Variants in UPP2 observed in about 807,000 individuals in gnomAD.
UPP2 encodes UPase 2.
In UPP2, 23 loss-of-function variants were observed where a neutral mutation model predicts 26.7. The observed-to-expected ratio is 0.86, with a 90% CI of 0.62 to 1.22. UPP2 has a LOEUF of 1.22. Among genes scored for constraint, UPP2 ranks in the 50% most tolerant of loss-of-function variants. UPP2 has a pLI of 0.00. For missense variants in UPP2, 387 were observed against 396.7 expected (o/e 0.98, Z 0.21); for synonymous variants, 127 against 141.3 (o/e 0.90, Z 0.72).
intron 3 of UPP2, among the ~76,000 whole-genome samples, chr2:158,094,110 T>C (rs16842547): frequency 0.2 from 29,828 of 151,650 alleles, 3,185 homozygotes; most frequent in African/African-American, 0.29. Context: ...TACTTATAAG[T>C]ACGAGTTTTA....
intron 3 of UPP2, among the ~76,000 whole-genome samples, chr2:158,068,223 G>A (rs1049040827): frequency 3.9e-5 from 6 of 152,116 alleles, no homozygotes; most frequent in Admixed American, 3.3e-4. Context: ...GAGAATAGGA[G>A]AATCAATTAA....
chr2:158,093,864 C>T (rs1490939509), intron 3 of UPP2, among the ~76,000 whole-genome samples: 1 of 151,316 alleles, frequency 6.6e-6, no homozygotes, highest in Non-Finnish European at 1.5e-5. Context: ...TAGAGAAACT[C>T]TTATGTGCAT....
chr2:158,038,053 G>T (rs1374222190), intron 3 of UPP2, among the ~76,000 whole-genome samples: 1 of 152,160 alleles, frequency 6.6e-6, no homozygotes, highest in African/African-American at 2.4e-5. Context: ...TCCCATTTCT[G>T]CTCTGATTAG....
rs185736840 is a variant in UPP2, at chr2:158,132,179, G to A, written c.812-2569G>A. ...GCCAAGTTGCTTTACAACTGACTGA[G>A]TTTTGAATAAATAGGGTCCTAGGTG... On this transcript the variant is annotated intron_variant, in intron 6 of 6. Transcript: ENST00000005756. Among the ~76,000 whole-genome samples, 13 of 152,334 alleles carry A rather than the reference G, an allele frequency of 8.5e-5. No homozygotes were observed. In the East Asian group the frequency reaches 1.7e-3, roughly 20 times the overall value.
chr2:158,028,406 C>G (rs1683869318), intron 3 of UPP2, among the ~76,000 whole-genome samples: 1 of 152,178 alleles, frequency 6.6e-6, no homozygotes, highest in Admixed American at 6.5e-5. Context: ...CACCTTTGCT[C>G]CAGTTCCCAA....
chr2:158,016,161 T>C (rs1683655602), intron 3 of UPP2, among the ~76,000 whole-genome samples: 1 of 151,872 alleles, frequency 6.6e-6, no homozygotes, highest in Non-Finnish European at 1.5e-5. Context: ...TTTTTTAAAT[T>C]ACTTTTTCTT....
intron 3 of UPP2, among the ~76,000 whole-genome samples, chr2:158,046,533 C>A (rs554351821): frequency 6.6e-6 from 1 of 152,132 alleles, no homozygotes; most frequent in Non-Finnish European, 1.5e-5. Flanking sequence ...GAGCTACACA[C>A]AAAAGAACTT....
At chr2:158,038,159 C>A (rs1684031727) in intron 3 of UPP2, among the ~76,000 whole-genome samples, 1 of 152,212 alleles carries the variant, frequency 6.6e-6, no homozygotes, top group South Asian at 2.1e-4. Context: ...AGAATCTCAG[C>A]ACACATAATT....
intron 3 of UPP2, among the ~76,000 whole-genome samples, chr2:158,092,345 A>G (rs536148605): frequency 6.6e-6 from 1 of 152,352 alleles, no homozygotes; most frequent in African/African-American, 2.4e-5. Flanking sequence ...TCTAGATGCA[A>G]CCAGAAAGAA....
intron 3 of UPP2, among the ~76,000 whole-genome samples, chr2:158,051,535 C>G (rs1682158817): frequency 6.6e-6 from 1 of 152,156 alleles, no homozygotes; most frequent in Non-Finnish European, 1.5e-5. Flanking sequence ...GTAATCCCAG[C>G]ACTTCGAGAG....
At chr2:158,009,844 G>A (rs994752113) in intron 2 of UPP2, among the ~76,000 whole-genome samples, 3 of 152,190 alleles carry the variant, frequency 2.0e-5, no homozygotes, top group African/African-American at 7.2e-5. Flanking sequence ...GTAGTCTCTC[G>A]TAAGGCAAAG....
intron 3 of UPP2, among the ~76,000 whole-genome samples, chr2:158,074,446 A>G (rs928714406): frequency 1.3e-4 from 20 of 152,138 alleles, no homozygotes; most frequent in Admixed American, 1.3e-3. Context: ...TAAAGTGTAG[A>G]GTTTTTATTA....
intron 3 of UPP2, among the ~76,000 whole-genome samples, chr2:158,069,220 C>T (rs928839331): frequency 9.2e-5 from 14 of 152,076 alleles, no homozygotes; most frequent in African/African-American, 3.4e-4. Flanking sequence ...TTTTGATGTC[C>T]ACCTGTGCAA....
At chr2:158,109,870 A>C (rs1025932109) in intron 2 of UPP2, among the ~76,000 whole-genome samples, 22 of 152,224 alleles carry the variant, frequency 1.4e-4, no homozygotes, top group African/African-American at 5.3e-4. Flanking sequence ...CAAACAAAGC[A>C]GGATATACAT....
chr2:158,052,085 C>A (rs978584227), intron 3 of UPP2, among the ~76,000 whole-genome samples: 1 of 152,116 alleles, frequency 6.6e-6, no homozygotes, highest in Non-Finnish European at 1.5e-5. Flanking sequence ...ATAGAGAACA[C>A]CCTTCATATG....
intron 3 of UPP2, among the ~76,000 whole-genome samples, chr2:158,061,204 A>C (rs1201469116): frequency 1.3e-5 from 2 of 152,244 alleles, no homozygotes; most frequent in Non-Finnish European, 2.9e-5. Context: ...AGAACTTAGG[A>C]GTCATTTGAT....
At chr2:158,098,865 C>T (rs779208580), upstream of UPP2, among the ~76,000 whole-genome samples, 14 of 152,138 alleles carry the variant, frequency 9.2e-5, no homozygotes, top group Non-Finnish European at 1.9e-4. Flanking sequence ...AAATACTGTA[C>T]ATTTTCTTTG....
intron 3 of UPP2, among the ~76,000 whole-genome samples, chr2:158,089,930 T>C (rs1426739222): frequency 6.6e-6 from 1 of 152,182 alleles, no homozygotes; most frequent in Non-Finnish European, 1.5e-5. Context: ...TCTGCAGTAG[T>C]TCTTGAAGCA....
At chr2:157,995,980 G>A (rs539867149) in intron 2 of UPP2, among the ~76,000 whole-genome samples, 13 of 152,220 alleles carry the variant, frequency 8.5e-5, no homozygotes, top group South Asian at 2.1e-4. Flanking sequence ...TTGCTAAATT[G>A]TCTTCAAGAT....
Sources: gnomAD v4.1 joint callset for allele counts (sites outside exome capture counted in the v4.1 genomes callset) on GRCh38, gnomAD v4.1.1 for gene constraint, MANE v1.5 for transcripts, NCBI Gene and HGNC (gene_info 2026-07-23, HGNC 2026-07-21) for gene names.